The following NADSYN1 variants were observed in gnomAD, a reference collection of about 807,000 sequenced individuals.
The protein encoded by NADSYN1 is NAD synthetase 1, also known as glutamine-dependent NAD(+) synthetase.
In NADSYN1, 80 loss-of-function variants were observed where a neutral mutation model predicts 99.3. That is an observed-to-expected ratio of 0.81 (90% CI 0.67 to 0.97). The LOEUF is 0.97. Ranked by LOEUF, NADSYN1 falls within the 50% of genes least tolerant of loss-of-function variation. The pLI, the probability that NADSYN1 is intolerant of heterozygous loss-of-function variation, is 0.00. For missense variants in NADSYN1, 859 were observed against 948.5 expected, an observed-to-expected ratio of 0.91 and a Z score of 1.24; for synonymous variants, 385 against 372.1, an observed-to-expected ratio of 1.03 and a Z score of -0.40.
At chr11:71,466,996 A>G (rs1192407886) in intron 5 of NADSYN1, among the ~76,000 whole-genome samples, 2 of 152,162 alleles carry the variant, frequency 1.3e-5, no homozygotes, top group African/African-American at 4.8e-5. Flanking sequence ...AGGAGATCCA[A>G]TAGGAGACAC....
intron 11 of NADSYN1, 26 bp downstream of exon 11, chr11:71,480,905 G>A: frequency 6.2e-7 from 1 of 1,611,212 alleles, no homozygotes; most frequent in Non-Finnish European, 8.5e-7. Flanking sequence ...CCCCTGGGAG[G>A]GACCTGGCGT....
At chr11:71,456,743 A>C (rs940155861) in intron 2 of NADSYN1, among the ~76,000 whole-genome samples, 2 of 152,152 alleles carry the variant, frequency 1.3e-5, no homozygotes, top group Non-Finnish European at 2.9e-5. Context: ...TGCATCCAGC[A>C]GGGACAGGGG....
At chr11:71,475,858 T>C (rs1949662069) in intron 9 of NADSYN1, among the ~76,000 whole-genome samples, 1 of 152,060 alleles carries the variant, frequency 6.6e-6, no homozygotes, top group African/African-American at 2.4e-5. Context: ...TACAGACCCA[T>C]GCTGCCATGC....
intron 20 of NADSYN1, 26 bp downstream of exon 20, chr11:71,498,554 C>G: frequency 6.2e-7 from 1 of 1,609,452 alleles, no homozygotes; most frequent in South Asian, 1.1e-5. Context: ...ATGTTTCTCT[C>G]TCCATGTTTC....
intron 5 of NADSYN1, among the ~76,000 whole-genome samples, chr11:71,467,444 CA>C (rs765536776): frequency 6.6e-6 from 1 of 151,524 alleles, no homozygotes; most frequent in East Asian, 1.9e-4. Context: ...TCAGAACCAG[CA>C]AAAAAAATAC....
intron 18 of NADSYN1, 52 bp from the exon 19 acceptor site, chr11:71,497,431 T>TC (rs1591137854): frequency 1.9e-6 from 3 of 1,610,432 alleles, no homozygotes; most frequent in Middle Eastern, 1.7e-4. Context: ...CTTTAGGCTC[T>TC]CCCCCCGCTG....
intron 9 of NADSYN1, chr11:71,476,722 C>CCCT (rs1949668925): frequency 3.6e-6 from 3 of 836,426 alleles, no homozygotes; most frequent in Middle Eastern, 6.2e-4. Flanking sequence ...TCTCCCCGTT[C>CCCT]ACGTCAGAGC....
At chr11:71,472,530 C>T (rs1444351210) in intron 6 of NADSYN1, 30 bp downstream of exon 6, 12 of 1,599,024 alleles carry the variant, frequency 7.5e-6, no homozygotes, top group Middle Eastern at 1.7e-4. Context: ...GCCCGTTTTT[C>T]AGTCGGTTGT....
At chr11:71,482,618 C>T in intron 13 of NADSYN1, 1 of 384,850 alleles carries the variant, frequency 2.6e-6, no homozygotes, top group Non-Finnish European at 4.6e-6. Context: ...GTCACACGGG[C>T]ACCTGGGGGT....
At chr11:71,473,242 T>C (rs1170186906) in intron 6 of NADSYN1, 36 bp from the exon 7 acceptor site, 1 of 1,585,736 alleles carries the variant, frequency 6.3e-7, no homozygotes, top group South Asian at 1.1e-5. Context: ...AGGGCATGGC[T>C]AGTGAATCTC....
chr11:71,457,375 G>A (rs1191705409), intron 2 of NADSYN1, among the ~76,000 whole-genome samples: 1 of 152,234 alleles, frequency 6.6e-6, no homozygotes, highest in African/African-American at 2.4e-5. Flanking sequence ...TGTGTGCGAG[G>A]TTTGCTGGGC....
chr11:71,463,320 G>A (rs1002791892), intron 3 of NADSYN1, 112 bp from the exon 4 acceptor site: 1 of 960,708 alleles, frequency 1.0e-6, no homozygotes, highest in East Asian at 2.5e-5. Flanking sequence ...GGGATCGGAG[G>A]AAGCTTCGTA....
chr11:71,492,251 G>A (rs1008853251), intron 18 of NADSYN1, among the ~76,000 whole-genome samples: 4 of 152,184 alleles, frequency 2.6e-5, no homozygotes, highest in Non-Finnish European at 4.4e-5. Context: ...ACTGCATGCT[G>A]GCCCTTCGTG....
intron 7 of NADSYN1, 97 bp downstream of exon 7, chr11:71,473,463 C>A: frequency 6.5e-7 from 1 of 1,536,462 alleles, no homozygotes; most frequent in Non-Finnish European, 9.0e-7. Flanking sequence ...TGGCCGTGGC[C>A]GTGGCCGTGG....
chr11:71,479,702 G>A, intron 10 of NADSYN1: 1 of 152,180 alleles, frequency 6.6e-6, no homozygotes, highest in East Asian at 1.9e-4. Context: ...TCTATGTGTT[G>A]GGTGCAGCCA....
chr11:71,459,393 A>G (rs1295013569), intron 3 of NADSYN1, among the ~76,000 whole-genome samples: 2 of 123,654 alleles, frequency 1.6e-5, no homozygotes, highest in Non-Finnish European at 1.6e-5. Context: ...GTCCCTGCTT[A>G]GCCACCCCTA....
In NADSYN1 at chr11:71,457,592, G is replaced by C. The variant is rs1949522064; in HGVS notation, c.147-836G>C. On this transcript the variant is annotated intron_variant, in intron 2 of 20. Coordinates refer to ENST00000319023, the MANE Select transcript of NADSYN1 (RefSeq NM_018161.5). ...AACAAACTAGAGGCTTAAAGCAACA[G>C]AAATGTATTCTCTCACAGTTCAGGA... Among the ~76,000 whole-genome samples, 4 of 152,238 alleles carry C rather than the reference G, an allele frequency of 2.6e-5. No individual in the cohort carries two copies. The South Asian group carries it at 8.3e-4, about 32-fold the overall frequency.
intron 5 of NADSYN1, among the ~76,000 whole-genome samples, chr11:71,469,310 G>A (rs543407075): frequency 1.3e-5 from 2 of 152,184 alleles, no homozygotes; most frequent in Admixed American, 6.5e-5. Context: ...CTCTACCAAA[G>A]AAAATACAAA....
At chr11:71,498,248 G>A in intron 19 of NADSYN1, 104 bp from the exon 20 acceptor site, 1 of 1,329,338 alleles carries the variant, frequency 7.5e-7, no homozygotes, top group South Asian at 1.4e-5. Context: ...CCTGTGCGGG[G>A]AGTAACCCAT....
Sources: allele counts gnomAD v4.1 joint callset (sites outside exome capture counted in the v4.1 genomes callset), GRCh38; gene constraint gnomAD v4.1.1; transcripts MANE v1.5; gene names NCBI Gene and HGNC (gene_info 2026-07-23, HGNC 2026-07-21).